C6orf89: variants seen among roughly 807,000 people sequenced by gnomAD.
C6orf89 encodes the protein chromosome 6 open reading frame 89.
C6orf89 carries 29 observed loss-of-function variants against 40.7 expected under a neutral mutation model. The observed-to-expected ratio is 0.71, with a 90% CI of 0.53 to 0.97. The LOEUF is 0.97. Ranked by LOEUF, C6orf89 falls within the 50% of genes least tolerant of loss-of-function variation. The probability of loss-of-function intolerance (pLI) is 0.00; values close to 1 mark genes in which losing one functional copy is unlikely to be tolerated. For synonymous variants in C6orf89, 165 were observed against 152.2 expected, an observed-to-expected ratio of 1.08 and a Z score of -0.62; for missense variants, 392 against 429.1, an observed-to-expected ratio of 0.91 and a Z score of 0.76.
chr6:36,907,448 G>C lies in C6orf89; in HGVS notation c.403+5014G>C, dbSNP rs376003475. 5.9e-5 allele frequency among the ~76,000 whole-genome samples: 9 copies of C among 152,266 alleles called. No homozygotes were observed. The East Asian group carries it at 1.2e-3, about 20-fold the overall frequency. On this transcript the variant is annotated intron_variant, in intron 4 of 8. Coordinates refer to ENST00000480824, the MANE Select transcript of C6orf89 (RefSeq NM_001286635.2). Reference sequence around the variant, plus strand: ...TCAGGCACCAGGAAGCTCCCTGATGGGTGAGACGCTGGCCCATCCATTTTT... The same window carrying C: ...TCAGGCACCAGGAAGCTCCCTGATGCGTGAGACGCTGGCCCATCCATTTTT...
At chr6:36,902,090 T>C (rs1209565890) in intron 3 of C6orf89, 131 bp from the exon 4 acceptor site, 1 of 725,680 alleles carries the variant, frequency 1.4e-6, no homozygotes, top group African/African-American at 1.8e-5. Context: ...CTAAGTGGCT[T>C]GTTTATGAAA....
At chr6:36,896,010 C>T (rs182272043) in intron 2 of C6orf89, among the ~76,000 whole-genome samples, 3 of 152,312 alleles carry the variant, frequency 2.0e-5, no homozygotes, top group Non-Finnish European at 4.4e-5. Flanking sequence ...TTGATTGTAG[C>T]TATCCCAGTG....
chr6:36,880,849 A>G (rs1473254123), intron 2 of C6orf89, among the ~76,000 whole-genome samples: 1 of 152,244 alleles, frequency 6.6e-6, no homozygotes, highest in Non-Finnish European at 1.5e-5. Flanking sequence ...GTTTAAAAAG[A>G]GGGATGTTTA....
intron 4 of C6orf89, among the ~76,000 whole-genome samples, chr6:36,912,190 C>G (rs9380621): frequency 1.3e-5 from 2 of 152,160 alleles, no homozygotes; most frequent in Non-Finnish European, 2.9e-5. Context: ...CACTGCACGC[C>G]CAGCATCTGC....
intron 1 of C6orf89, among the ~76,000 whole-genome samples, chr6:36,876,690 C>T (rs559658743): frequency 1.3e-5 from 2 of 149,322 alleles, no homozygotes; most frequent in African/African-American, 2.5e-5. Flanking sequence ...TGCCTTTGCA[C>T]TCCACCCTGC....
chr6:36,894,411 G>T, intron 1 of C6orf89, 93 bp from the exon 2 acceptor site: 4 of 376,394 alleles, frequency 1.1e-5, no homozygotes, highest in Non-Finnish European at 1.5e-5. Context: ...GTCTTTGTTA[G>T]TTTAAACAGG....
intron 8 of C6orf89, among the ~76,000 whole-genome samples, chr6:36,920,120 G>A (rs1762463520): frequency 6.6e-6 from 1 of 152,114 alleles, no homozygotes; most frequent in African/African-American, 2.4e-5. Context: ...GACAATCAAG[G>A]ACTACAGGAA....
At chr6:36,912,798 C>T (rs1762174614) in intron 4 of C6orf89, among the ~76,000 whole-genome samples, 1 of 152,242 alleles carries the variant, frequency 6.6e-6, no homozygotes, top group African/African-American at 2.4e-5. Context: ...AGAACAAACA[C>T]GGTCTTTCCC....
chr6:36,880,996 A>C (rs1239280678), upstream of C6orf89, among the ~76,000 whole-genome samples: 1 of 152,230 alleles, frequency 6.6e-6, no homozygotes, highest in Non-Finnish European at 1.5e-5. Context: ...AAATGCCACC[A>C]TGACTCTTAA....
chr6:36,894,775 G>C (rs746067153), intron 2 of C6orf89, among the ~76,000 whole-genome samples, 172 bp downstream of exon 2: 6 of 152,154 alleles, frequency 3.9e-5, no homozygotes, highest in Non-Finnish European at 4.4e-5. Flanking sequence ...TGTTTAGCAA[G>C]GCACCTGGCA....
intron 2 of C6orf89, among the ~76,000 whole-genome samples, chr6:36,898,142 G>T: frequency 6.6e-6 from 1 of 152,080 alleles, no homozygotes; most frequent in Non-Finnish European, 1.5e-5. Flanking sequence ...GAGTGCAGTG[G>T]TATGATCATA....
chr6:36,903,819 T>G (rs565435623), intron 4 of C6orf89, among the ~76,000 whole-genome samples: 1 of 152,284 alleles, frequency 6.6e-6, no homozygotes, highest in Admixed American at 6.5e-5. Flanking sequence ...AAGGGAACAT[T>G]GTAAGACAAG....
At chr6:36,901,494 C>T (rs1239931664) in intron 3 of C6orf89, among the ~76,000 whole-genome samples, 2 of 146,924 alleles carry the variant, frequency 1.4e-5, no homozygotes, top group Non-Finnish European at 3.0e-5. Context: ...ATCACCACAT[C>T]CGGCTAATTT....
chr6:36,917,271 A>G (rs1355209693), intron 7 of C6orf89, among the ~76,000 whole-genome samples: 1 of 152,146 alleles, frequency 6.6e-6, no homozygotes, highest in Non-Finnish European at 1.5e-5. Context: ...GAGCCTGGGA[A>G]GGATTTGATA....
intron 1 of C6orf89, among the ~76,000 whole-genome samples, chr6:36,874,277 AT>A (rs1409123435): frequency 6.6e-6 from 1 of 152,130 alleles, no homozygotes; most frequent in Non-Finnish European, 1.5e-5. Context: ...TTCTTCCTGT[AT>A]TTTACTGGAA....
intron 2 of C6orf89, among the ~76,000 whole-genome samples, chr6:36,898,625 A>G (rs1761541967): frequency 6.6e-6 from 1 of 152,160 alleles, no homozygotes; most frequent in Non-Finnish European, 1.5e-5. Flanking sequence ...AGAGAACTCT[A>G]CTTTGCCCCA....
intron 1 of C6orf89, among the ~76,000 whole-genome samples, chr6:36,872,376 C>G (rs1183523694): frequency 6.6e-6 from 1 of 151,810 alleles, no homozygotes; most frequent in Admixed American, 6.6e-5. Context: ...ATTTTTGATC[C>G]ATGTAAATAC....
chr6:36,902,082 A>C (rs766286933), intron 3 of C6orf89, 139 bp from the exon 4 acceptor site: 1 of 685,370 alleles, frequency 1.5e-6, no homozygotes, highest in African/African-American at 1.8e-5. Context: ...AAGTAAACCT[A>C]AGTGGCTTGT....
intron 4 of C6orf89, among the ~76,000 whole-genome samples, chr6:36,904,290 A>C (rs1194165163): frequency 6.6e-6 from 1 of 152,264 alleles, no homozygotes; most frequent in Non-Finnish European, 1.5e-5. Context: ...TCTTGTAAAC[A>C]AGCTGGATTA....
Sources: allele counts gnomAD v4.1 joint callset (sites outside exome capture counted in the v4.1 genomes callset), GRCh38; gene constraint gnomAD v4.1.1; transcripts MANE v1.5; gene names NCBI Gene and HGNC (gene_info 2026-07-23, HGNC 2026-07-21).